Variants in NCOA1 observed in about 807,000 individuals in gnomAD.
The protein encoded by NCOA1 is Hin-2 protein.
In NCOA1, 35 loss-of-function variants were observed where a neutral mutation model predicts 150.9. The ratio of observed to expected loss-of-function variants is 0.23; its 90% CI spans 0.18 to 0.31. The LOEUF (loss-of-function observed/expected upper bound fraction) is 0.31, where lower values mean the gene tolerates loss of function less well. Among genes scored for constraint, NCOA1 ranks in the 10% least tolerant of loss-of-function variants. NCOA1 has a pLI of 1.00. For missense variants in NCOA1, 1,491 were observed against 1,749.3 expected (o/e 0.85, Z 2.63); for synonymous variants, 590 against 630.0 (o/e 0.94, Z 0.95).
chr2:24,573,587 T>A (rs1418070002), intron 2 of NCOA1, among the ~76,000 whole-genome samples: 1 of 152,136 alleles, frequency 6.6e-6, no homozygotes, highest in Non-Finnish European at 1.5e-5. Context: ...TTTATGAAGC[T>A]TATATCTAAA....
chr2:24,684,956 C>G (rs1046385418), intron 8 of NCOA1, among the ~76,000 whole-genome samples: 2 of 151,722 alleles, frequency 1.3e-5, no homozygotes, highest in Non-Finnish European at 2.9e-5. Flanking sequence ...TTAGAATAAT[C>G]AAAGTATTAG....
At chr2:24,524,376 A>G (rs1204642065) in intron 1 of NCOA1, among the ~76,000 whole-genome samples, 1 of 152,052 alleles carries the variant, frequency 6.6e-6, no homozygotes, top group Non-Finnish European at 1.5e-5. Flanking sequence ...TGGCTCACTG[A>G]AGCCTCAACC....
At chr2:24,567,614 T>G (rs1304378261) in intron 2 of NCOA1, among the ~76,000 whole-genome samples, 3 of 152,206 alleles carry the variant, frequency 2.0e-5, no homozygotes, top group Non-Finnish European at 4.4e-5. Flanking sequence ...TATACTTAAG[T>G]TCTATATTCA....
chr2:24,744,551 A>C (rs965034469), intron 19 of NCOA1, among the ~76,000 whole-genome samples: 1 of 152,258 alleles, frequency 6.6e-6, no homozygotes, highest in Non-Finnish European at 1.5e-5. Flanking sequence ...GTTGGCACAA[A>C]ATGAAGTTCT....
intron 19 of NCOA1, among the ~76,000 whole-genome samples, chr2:24,748,717 A>T (rs1180112531): frequency 6.6e-6 from 1 of 151,980 alleles, no homozygotes. Context: ...TTAACCAAAT[A>T]AACCAAGTAA....
intron 1 of NCOA1, among the ~76,000 whole-genome samples, chr2:24,496,115 T>C (rs1364219625): frequency 1.3e-5 from 2 of 152,246 alleles, no homozygotes; most frequent in East Asian, 3.8e-4. Flanking sequence ...ATTTCACATT[T>C]CTTCTTGTTT....
chr2:24,505,243 A>G (rs1663642789), intron 1 of NCOA1, among the ~76,000 whole-genome samples: 1 of 150,324 alleles, frequency 6.7e-6, no homozygotes, highest in Admixed American at 6.7e-5. Flanking sequence ...CTGGAGTGCA[A>G]TGGGGCAATC....
intron 22 of NCOA1, among the ~76,000 whole-genome samples, chr2:24,763,315 G>A (rs1010826061): frequency 9.2e-5 from 14 of 151,920 alleles, no homozygotes; most frequent in African/African-American, 2.4e-4. Flanking sequence ...CGAGGCGGGC[G>A]GATCACAAGG....
intron 3 of NCOA1, among the ~76,000 whole-genome samples, chr2:24,627,083 CTTACTAATG>C (rs1669447001): frequency 6.8e-6 from 1 of 147,962 alleles, no homozygotes; most frequent in East Asian, 2.0e-4. Context: ...TTTAAAATTC[CTTACTAATG>C]TTTAATACCT....
chr2:24,680,025 G>A (rs1672092289), intron 7 of NCOA1, among the ~76,000 whole-genome samples: 1 of 152,042 alleles, frequency 6.6e-6, no homozygotes, highest in Non-Finnish European at 1.5e-5. Context: ...TTTAATATTT[G>A]GTTTAAATAA....
intron 13 of NCOA1, among the ~76,000 whole-genome samples, chr2:24,708,548 T>C (rs1021391417): frequency 4.6e-5 from 7 of 152,166 alleles, no homozygotes; most frequent in African/African-American, 1.7e-4. Flanking sequence ...TAAACAGGTA[T>C]CTTCATTTAT....
intron 1 of NCOA1, among the ~76,000 whole-genome samples, chr2:24,524,489 C>A (rs1664568705): frequency 6.6e-6 from 1 of 151,780 alleles, no homozygotes. Flanking sequence ...GAGATGGTGT[C>A]CCACTCTGTT....
intron 3 of NCOA1, among the ~76,000 whole-genome samples, chr2:24,586,525 C>T (rs1026739929): frequency 2.0e-5 from 3 of 152,108 alleles, no homozygotes; most frequent in Non-Finnish European, 2.9e-5. Context: ...CAGCTGGGAC[C>T]GCAGGTGCAC....
intron 1 of NCOA1, among the ~76,000 whole-genome samples, chr2:24,533,098 C>T (rs1479167554): frequency 1.3e-5 from 2 of 152,130 alleles, no homozygotes; most frequent in Admixed American, 1.3e-4. Flanking sequence ...GGAATGTTCT[C>T]CCATTTGTTT....
intron 1 of NCOA1, among the ~76,000 whole-genome samples, chr2:24,523,730 A>G (rs1572380714): frequency 1.3e-5 from 2 of 150,336 alleles, no homozygotes; most frequent in East Asian, 1.9e-4. Flanking sequence ...GATCGAGACC[A>G]TCCTGGCCAA....
intron 13 of NCOA1, 74 bp from the exon 14 acceptor site, chr2:24,710,857 G>C (rs1673714694): frequency 7.1e-7 from 1 of 1,406,316 alleles, no homozygotes; most frequent in African/African-American, 1.4e-5. Context: ...GTTTAAAGAA[G>C]CAGCATTTTT....
intron 14 of NCOA1, among the ~76,000 whole-genome samples, chr2:24,711,833 C>A (rs1190786865): frequency 6.6e-6 from 1 of 152,128 alleles, no homozygotes; most frequent in Admixed American, 6.5e-5. Context: ...GTTGAAAAAA[C>A]CAGTGGTAAG....
chr2:24,725,746 TGTGTGA>T (rs1674586307), intron 14 of NCOA1, among the ~76,000 whole-genome samples: 1 of 122,404 alleles, frequency 8.2e-6, no homozygotes, highest in Non-Finnish European at 1.9e-5. Context: ...TGTGTGTGTG[TGTGTGA>T]GATCCCAGAA....
At chr2:24,613,123 G>A (rs1208040089) in intron 3 of NCOA1, among the ~76,000 whole-genome samples, 2 of 151,888 alleles carry the variant, frequency 1.3e-5, no homozygotes, top group South Asian at 2.1e-4. Flanking sequence ...ACTCCCTAGG[G>A]GATATGATTG....
Sources: gnomAD v4.1 joint callset for allele counts (sites outside exome capture counted in the v4.1 genomes callset) on GRCh38, gnomAD v4.1.1 for gene constraint, MANE v1.5 for transcripts, NCBI Gene and HGNC (gene_info 2026-07-23, HGNC 2026-07-21) for gene names.